The following ADCY3 variants were observed in gnomAD, a reference collection of about 807,000 sequenced individuals.
ADCY3 encodes adenylate cyclase type 3.
ADCY3 carries 70 observed loss-of-function variants against 119.4 expected under a neutral mutation model. That is an observed-to-expected ratio of 0.59 (90% CI 0.48 to 0.72). The LOEUF (loss-of-function observed/expected upper bound fraction) is 0.72. ADCY3 is among the 30% of genes least tolerant of loss of function. ADCY3 has a pLI of 0.00. For missense variants in ADCY3, 1,238 were observed against 1,541.6 expected (o/e 0.80, Z 3.30); for synonymous variants, 672 against 621.4 (o/e 1.08, Z -1.21).
At chr2:24,903,161 A>AG (rs1310187826) in intron 2 of ADCY3, among the ~76,000 whole-genome samples, 1 of 151,928 alleles carries the variant, frequency 6.6e-6, no homozygotes, top group East Asian at 1.9e-4. Context: ...AAAAAAAAAA[A>AG]AAAAAAAGTT....
At chr2:24,821,910 T>C (rs141875727) in intron 19 of ADCY3, 215 of 417,680 alleles carry the variant, frequency 5.1e-4, no homozygotes, top group Non-Finnish European at 7.9e-4. Context: ...TCACCTTGGC[T>C]GGGCCTGGTC....
intron 20 of ADCY3, 182 bp from the exon 21 acceptor site, chr2:24,821,030 G>C (rs980227606): frequency 1.2e-6 from 1 of 858,676 alleles, no homozygotes. Context: ...CCGTGTGCTT[G>C]TTAGGTGTCA....
intron 19 of ADCY3, 62 bp downstream of exon 19, chr2:24,822,449 G>A (rs199532565): frequency 6.3e-7 from 1 of 1,595,564 alleles, no homozygotes; most frequent in Admixed American, 1.7e-5. Flanking sequence ...TGCTAGGTCT[G>A]GGCTGCCAAT....
At chr2:24,908,876 A>G (rs948025890) in intron 2 of ADCY3, among the ~76,000 whole-genome samples, 3 of 146,250 alleles carry the variant, frequency 2.1e-5, no homozygotes, top group Non-Finnish European at 4.4e-5. Flanking sequence ...CGGGTTACAG[A>G]TGTCCCATGC....
chr2:24,877,207 A>G (rs1048390423), intron 2 of ADCY3, among the ~76,000 whole-genome samples: 9 of 152,194 alleles, frequency 5.9e-5, no homozygotes, highest in Admixed American at 5.2e-4. Context: ...GGCCCCATCC[A>G]GCCCTAGGTG....
chr2:24,831,998 GGGGGCA>G (rs1178832128), intron 11 of ADCY3: 1 of 156,150 alleles, frequency 6.4e-6, no homozygotes, highest in African/African-American at 3.2e-5. Context: ...GGCAGGGGCC[GGGGGCA>G]GGGGCCAGCA....
At chr2:24,881,109 T>A (rs147999015) in intron 2 of ADCY3, among the ~76,000 whole-genome samples, 19 of 152,268 alleles carry the variant, frequency 1.2e-4, no homozygotes, top group African/African-American at 4.6e-4. Context: ...AGCAGCACAT[T>A]CTGAAATGCC....
intron 3 of ADCY3, among the ~76,000 whole-genome samples, chr2:24,864,690 T>C (rs1461493269): frequency 6.6e-6 from 1 of 152,122 alleles, no homozygotes; most frequent in Non-Finnish European, 1.5e-5. Flanking sequence ...AGTAGAACAG[T>C]GGTTACCAGA....
At chr2:24,904,042 C>G (rs115580702) in intron 2 of ADCY3, among the ~76,000 whole-genome samples, 2,106 of 152,272 alleles carry the variant, frequency 0.014, 17 homozygotes, top group Non-Finnish European at 0.021. Context: ...CCACAACCAA[C>G]TCTTCACGCA....
intron 13 of ADCY3, among the ~76,000 whole-genome samples, chr2:24,830,324 C>G (rs1228313869): frequency 6.6e-6 from 1 of 152,198 alleles, no homozygotes; most frequent in Non-Finnish European, 1.5e-5. Flanking sequence ...CAGGCGTGAG[C>G]TACCGCGCCC....
At chr2:24,821,365 A>AGGTCTTTC in intron 20 of ADCY3, 152 bp downstream of exon 20, 1 of 1,147,442 alleles carries the variant, frequency 8.7e-7, no homozygotes, top group East Asian at 2.4e-5. Flanking sequence ...TCTGGACTAA[A>AGGTCTTTC]GGTCTTTCAG....
Position 24,821,639 on chromosome 2 carries a change from T to G in ADCY3, c.3005A>C (p.Glu1002Ala). The G allele has an allele frequency of 3.7e-6, 6 of 1,613,950 alleles. No individual in the cohort carries two copies. The highest frequency in any genetic ancestry group is 3.3e-4 in the Middle Eastern group (2 of 6,060). ...NTNGFASSNK[E>A]DKSERERWQH... ...CCAGCGCTCTCTCTCGGACTTGTCT[T>G]CCTGTGCCAGGGGACCGTGGAGAAA... Residue 1002 changes from glutamate to alanine, a missense_variant and splice_region_variant, in exon 20 of 22, where the codon GAA becomes GCA. Transcript: ENST00000679454.
intron 3 of ADCY3, among the ~76,000 whole-genome samples, chr2:24,863,184 G>C (rs1673889400): frequency 6.6e-6 from 1 of 152,174 alleles, no homozygotes. Context: ...TGTCTGTGAG[G>C]GTGTTGCCAA....
At chr2:24,879,579 C>T (rs1411357732) in intron 2 of ADCY3, among the ~76,000 whole-genome samples, 1 of 151,028 alleles carries the variant, frequency 6.6e-6, no homozygotes, top group Non-Finnish European at 1.5e-5. Context: ...CTAATAATAA[C>T]ACTTTGAGGA....
intron 15 of ADCY3, 153 bp from the exon 16 acceptor site, chr2:24,826,279 C>T (rs963282486): frequency 4.9e-5 from 32 of 651,014 alleles, no homozygotes; most frequent in African/African-American, 3.3e-4. Context: ...CGGGCTCCCC[C>T]GGGCAGTAAA....
At chr2:24,905,306 T>C (rs1343376940) in intron 2 of ADCY3, among the ~76,000 whole-genome samples, 1 of 151,992 alleles carries the variant, frequency 6.6e-6, no homozygotes, top group East Asian at 1.9e-4. Flanking sequence ...GCTGATTTTT[T>C]TGTATTTTTA....
intron 11 of ADCY3, among the ~76,000 whole-genome samples, chr2:24,832,651 G>A (rs1354323116): frequency 6.6e-6 from 1 of 152,120 alleles, no homozygotes; most frequent in Non-Finnish European, 1.5e-5. Flanking sequence ...TTGGTTTCTT[G>A]AGTCCTTTTC....
chr2:24,819,694 T>C lies in ADCY3; in HGVS notation c.*238A>G, dbSNP rs1313915968. Reference sequence around the variant, plus strand: ...GGACGGCAGGGATTGGAACGAGGGCTCTGGAAGGACTGTTCAGCCCTATGC... The same window carrying C: ...GGACGGCAGGGATTGGAACGAGGGCCCTGGAAGGACTGTTCAGCCCTATGC... On this transcript the variant is annotated 3_prime_UTR_variant, in exon 22 of 22. Transcript: ENST00000679454. 4 of 453,524 alleles carry C rather than the reference T, an allele frequency of 8.8e-6. No homozygotes were observed. Among genetic ancestry groups the C allele is most frequent in the Non-Finnish European group, 1.6e-5 (4 of 256,536 alleles). 28.1% of individuals were successfully genotyped at this position (453,524 alleles called of 1,614,324 possible).
intron 3 of ADCY3, among the ~76,000 whole-genome samples, chr2:24,852,516 C>A (rs1672440387): frequency 6.6e-6 from 1 of 152,206 alleles, no homozygotes; most frequent in African/African-American, 2.4e-5. Flanking sequence ...CTGTGCTACT[C>A]CTCACAGGCT....
Sources: allele counts gnomAD v4.1 joint callset (sites outside exome capture counted in the v4.1 genomes callset), GRCh38; gene constraint gnomAD v4.1.1; transcripts MANE v1.5; gene names NCBI Gene and HGNC (gene_info 2026-07-23, HGNC 2026-07-21).